Variants in SORCS1 observed in about 807,000 individuals in gnomAD.
SORCS1 encodes sortilin related VPS10 domain containing receptor 1.
In SORCS1, 60 loss-of-function variants were observed where a neutral mutation model predicts 146.1. That is an observed-to-expected ratio of 0.41 (90% CI 0.33 to 0.51). SORCS1 has a LOEUF of 0.51. Ranked by LOEUF, SORCS1 falls within the 20% of genes least tolerant of loss-of-function variation. The pLI is 0.21. For synonymous variants in SORCS1, 637 were observed against 584.0 expected (o/e 1.09, Z -1.31); for missense variants, 1,352 against 1,487.6 (o/e 0.91, Z 1.50).
At chr10:107,054,793 T>C (rs1246516252) in intron 1 of SORCS1, among the ~76,000 whole-genome samples, 2 of 152,172 alleles carry the variant, frequency 1.3e-5, no homozygotes, top group East Asian at 3.8e-4. Flanking sequence ...CCAACATTTA[T>C]TTTGACCTGA....
At chr10:106,605,102 T>TTAACTAGCTAG (rs1490305678) in intron 23 of SORCS1, among the ~76,000 whole-genome samples, 4 of 152,264 alleles carry the variant, frequency 2.6e-5, no homozygotes. Context: ...TCACACAGCC[T>TTAACTAGCTAG]TCAAGCAAGC....
At chr10:106,979,834 CTT>C (rs1292133073) in intron 1 of SORCS1, among the ~76,000 whole-genome samples, 1 of 150,488 alleles carries the variant, frequency 6.6e-6, no homozygotes, top group African/African-American at 2.5e-5. Flanking sequence ...TGGGAGGTAA[CTT>C]AACCTCTAGA....
chr10:106,862,683 C>T (rs1315771147), intron 2 of SORCS1, among the ~76,000 whole-genome samples: 6 of 150,176 alleles, frequency 4.0e-5, no homozygotes, highest in Admixed American at 2.7e-4. Context: ...CGGTGGCTCG[C>T]GCCTGTAATC....
intron 1 of SORCS1, among the ~76,000 whole-genome samples, chr10:107,076,680 GCT>G (rs1962909354): frequency 6.6e-6 from 1 of 152,156 alleles, no homozygotes; most frequent in Non-Finnish European, 1.5e-5. Flanking sequence ...ACAACATGTA[GCT>G]CTTTGTGGGT....
At chr10:107,011,423 C>G (rs1957691121) in intron 1 of SORCS1, among the ~76,000 whole-genome samples, 1 of 152,172 alleles carries the variant, frequency 6.6e-6, no homozygotes, top group Non-Finnish European at 1.5e-5. Context: ...TGTTTGTCTC[C>G]AGACAAATTC....
chr10:107,079,308 C>A (rs1963145362), intron 1 of SORCS1, among the ~76,000 whole-genome samples: 1 of 152,038 alleles, frequency 6.6e-6, no homozygotes, highest in Admixed American at 6.6e-5. Flanking sequence ...AGGATTTTTA[C>A]CATTCTTTGG....
chr10:106,952,892 A>G (rs1433574855), intron 2 of SORCS1, among the ~76,000 whole-genome samples: 1 of 151,846 alleles, frequency 6.6e-6, no homozygotes, highest in Non-Finnish European at 1.5e-5. Context: ...CTAAGGTGGG[A>G]AGATCACTTT....
At chr10:106,666,311 G>A (rs528450838) in intron 17 of SORCS1, among the ~76,000 whole-genome samples, 115 of 152,302 alleles carry the variant, frequency 7.6e-4, no homozygotes, top group Non-Finnish European at 1.4e-3. Flanking sequence ...ATTCATATTG[G>A]AACACTGGCC....
chr10:107,144,656 T>C (rs1259626481), intron 1 of SORCS1, among the ~76,000 whole-genome samples: 1 of 152,230 alleles, frequency 6.6e-6, no homozygotes, highest in Non-Finnish European at 1.5e-5. Context: ...GGGCACTCCG[T>C]AGTGAGCAGC....
chr10:107,006,991 C>T (rs986634960), intron 1 of SORCS1, among the ~76,000 whole-genome samples: 4 of 152,162 alleles, frequency 2.6e-5, no homozygotes, highest in African/African-American at 9.7e-5. Context: ...TTAATTTTTT[C>T]TAGGTTAAGT....
chr10:106,691,540 T>G (rs1435518972), intron 9 of SORCS1, among the ~76,000 whole-genome samples: 2 of 152,208 alleles, frequency 1.3e-5, no homozygotes, highest in Non-Finnish European at 2.9e-5. Flanking sequence ...GTGTTATAGC[T>G]CAAACCTTAA....
At chr10:106,640,884 A>T (rs568002601) in intron 18 of SORCS1, among the ~76,000 whole-genome samples, 1 of 152,322 alleles carries the variant, frequency 6.6e-6, no homozygotes, top group Admixed American at 6.5e-5. Flanking sequence ...TCTTAGACTC[A>T]ACTTTATGGA....
Position 106,920,861 on chromosome 10 carries a change from A to G in SORCS1, c.626+35652T>C, listed in dbSNP as rs567587022. Among the ~76,000 whole-genome samples, 11 of 152,118 alleles carry G rather than the reference A, an allele frequency of 7.2e-5. No individual in the cohort carries two copies. In the East Asian group the frequency reaches 2.1e-3, roughly 30 times the overall value. On this transcript the variant is annotated intron_variant, in intron 2 of 25. Coordinates refer to ENST00000263054, the MANE Select transcript of SORCS1 (RefSeq NM_052918.5). ...ATAGTGGGTGGAGTCACCCTTCTCA[A>G]CTGCTTGTCACCTGGCAGCTCAACT...
At position 106,576,634 on chromosome 10, in the gene SORCS1, C is replaced by T. The variant is rs1844591318; in HGVS notation, c.*786G>A. 6.6e-6 allele frequency: 1 copy of T among 152,240 alleles called. No individual in the cohort carries two copies. The highest frequency in any genetic ancestry group is 1.5e-5 in the Non-Finnish European group (1 of 68,094). 9.4% of individuals were successfully genotyped at this position (152,240 alleles called of 1,614,324 possible). ...CTCCCTTCCTTCCTTATTCTACCGG[C>T]ACAAAGGGATCTTCAACTCGCATCT... On this transcript the variant is annotated 3_prime_UTR_variant, in exon 26 of 26. Coordinates refer to ENST00000263054, the MANE Select transcript of SORCS1 (RefSeq NM_052918.5).
chr10:106,873,942 T>C (rs1032127124), intron 2 of SORCS1, among the ~76,000 whole-genome samples: 1 of 152,236 alleles, frequency 6.6e-6, no homozygotes, highest in African/African-American at 2.4e-5. Flanking sequence ...AATGACCTGC[T>C]GAGTGACCTT....
At chr10:107,087,022 C>T (rs7909686) in intron 1 of SORCS1, among the ~76,000 whole-genome samples, 31 of 152,270 alleles carry the variant, frequency 2.0e-4, no homozygotes, top group African/African-American at 7.0e-4. Flanking sequence ...AGCGTGACTT[C>T]GTCTCAAAAC....
intron 1 of SORCS1, among the ~76,000 whole-genome samples, chr10:107,031,534 G>T (rs911170670): frequency 6.6e-6 from 1 of 151,622 alleles, no homozygotes; most frequent in Non-Finnish European, 1.5e-5. Flanking sequence ...TTTCTGTTAC[G>T]TTAGTAGAAA....
At chr10:106,688,392 T>C in intron 9 of SORCS1, 54 bp from the exon 10 acceptor site, 1 of 1,572,744 alleles carries the variant, frequency 6.4e-7, no homozygotes, top group Non-Finnish European at 8.6e-7. Flanking sequence ...GGGATATATT[T>C]GTTTACTTTT....
At chr10:106,874,170 G>A (rs1355365721) in intron 2 of SORCS1, among the ~76,000 whole-genome samples, 4 of 152,304 alleles carry the variant, frequency 2.6e-5, no homozygotes, top group South Asian at 4.1e-4. Flanking sequence ...CACAATAGCA[G>A]TCAACATTGT....
Sources: gnomAD v4.1 joint callset for allele counts (sites outside exome capture counted in the v4.1 genomes callset) on GRCh38, gnomAD v4.1.1 for gene constraint, MANE v1.5 for transcripts, NCBI Gene and HGNC (gene_info 2026-07-23, HGNC 2026-07-21) for gene names.